Variants in DOCK6 observed in about 807,000 individuals in gnomAD.
The protein encoded by DOCK6 is dedicator of cytokinesis 6.
In DOCK6, 167 loss-of-function variants were observed where a neutral mutation model predicts 230.3. That is an observed-to-expected ratio of 0.73 (90% CI 0.64 to 0.82). The LOEUF (loss-of-function observed/expected upper bound fraction) is 0.82. Among genes scored for constraint, DOCK6 ranks in the 40% least tolerant of loss-of-function variants. The pLI, the probability that DOCK6 is intolerant of heterozygous loss-of-function variation, is 0.00. For missense variants in DOCK6, 2,598 were observed against 2,825.8 expected (o/e 0.92, Z 1.83); for synonymous variants, 1,148 against 1,185.0 (o/e 0.97, Z 0.64).
Position 11,242,111 on chromosome 19 carries a change from C to G in DOCK6, c.1577G>C (p.Gly526Ala). The G allele has an allele frequency of 6.6e-7, 1 of 1,517,944 alleles. No homozygotes were observed. Among genetic ancestry groups the G allele is most frequent in the Non-Finnish European group, 8.8e-7 (1 of 1,135,926 alleles). 94.0% of individuals were successfully genotyped at this position (1,517,944 alleles called of 1,614,324 possible). A position where few individuals can be genotyped will look rare whatever the true frequency, so the allele number is the denominator to read the frequency against. ...LHIKPYPDPR[G>A]RPTKEILEFP... ...CTCCAGAATCTCCTTGGTGGGCCGG[C>G]CCCTGGGGTCCGGGTAGGGCTTGAT... The change falls in exon 14 of 48, where the codon GGC becomes GCC. Residue 526 changes from glycine (G) to alanine (A), a missense_variant. Transcript: ENST00000294618.
chr19:11,233,295 C>T lies in DOCK6; in HGVS notation c.2626G>A (p.Ala876Thr). The stretch of plus-strand genomic sequence containing the variant: ...CTGCTGCTGATGCTCTTGGAACGCG[C>T]CAGGTAGAGGCTTGCGGGGCGACCA... The part of the protein sequence containing the change: ...GSGRPASLYL[A>T]RSKSISSSNP... Residue 876 changes from alanine to threonine, a missense_variant, in exon 22 of 48, where the codon GCG (alanine) becomes ACG (threonine). By Grantham distance (58) the Ala-to-Thr change is moderately conservative. Coordinates refer to ENST00000294618, the MANE Select transcript of DOCK6 (RefSeq NM_020812.4). The T allele has an allele frequency of 6.2e-7, 1 of 1,613,904 alleles. No homozygotes were observed. The highest frequency in any genetic ancestry group is 8.5e-7 in the Non-Finnish European group (1 of 1,179,862).
In DOCK6 at chr19:11,213,281, C is replaced by T; in HGVS notation, c.4386G>A (p.Leu1462=). ...CACAGTGTCGTAGGAGCCTCAGGCA[C>T]AGGTCGGCACACAGCTCCGTGTCCT... ...FEEDTELCAD[L]CLRLLRHCGS... The change falls in exon 35 of 48, where the codon CTG becomes CTA. Residue 1462 remains leucine (L), a synonymous_variant. Coordinates refer to ENST00000294618, the MANE Select transcript of DOCK6 (RefSeq NM_020812.4). 1.9e-6 allele frequency: 3 copies of T among 1,612,874 alleles called. No homozygotes were observed. Among genetic ancestry groups the T allele is most frequent in the African/African-American group, 1.3e-5 (1 of 75,040 alleles).
At chr19:11,204,382 TG>T in intron 39 of DOCK6, 51 bp from the exon 40 acceptor site, 1 of 1,592,006 alleles carries the variant, frequency 6.3e-7, no homozygotes, top group Non-Finnish European at 8.6e-7. Context: ...CTCTCTCCAC[TG>T]TGCTCCTGTC....
intron 3 of DOCK6, 49 bp downstream of exon 3, chr19:11,252,734 C>A: frequency 2.5e-6 from 4 of 1,595,670 alleles, no homozygotes; most frequent in Non-Finnish European, 3.4e-6. Flanking sequence ...ATGGGGTTGG[C>A]AGAGACAGAG....
At chr19:11,247,092 G>C (rs2080046691) in intron 7 of DOCK6, among the ~76,000 whole-genome samples, 1 of 152,048 alleles carries the variant, frequency 6.6e-6, no homozygotes, top group African/African-American at 2.4e-5. Flanking sequence ...TATACAGTAG[G>C]GACTTCATAA....
At chr19:11,210,568 G>A (rs907799313) in intron 37 of DOCK6, among the ~76,000 whole-genome samples, 5 of 115,854 alleles carry the variant, frequency 4.3e-5, no homozygotes, top group Non-Finnish European at 8.5e-5. Flanking sequence ...CCCCTCACCT[G>A]TGCATCCCCT....
At chr19:11,235,897 T>G in intron 20 of DOCK6, 138 bp from the exon 21 acceptor site, 1 of 1,095,112 alleles carries the variant, frequency 9.1e-7, no homozygotes, top group South Asian at 1.9e-5. Context: ...TTTTTTTTTT[T>G]TGAGATGGAG....
chr19:11,233,475 T>C (rs1015855740), intron 21 of DOCK6, 109 bp from the exon 22 acceptor site: 6 of 1,356,982 alleles, frequency 4.4e-6, no homozygotes, highest in Non-Finnish European at 6.0e-6. Flanking sequence ...TCTGAGCCTC[T>C]AAGTTCCTCA....
intron 13 of DOCK6, among the ~76,000 whole-genome samples, chr19:11,242,643 C>T (rs1440897699): frequency 2.0e-5 from 3 of 151,986 alleles, no homozygotes; most frequent in Non-Finnish European, 2.9e-5. Flanking sequence ...CTGCCCGCCT[C>T]GGCCTCCCAA....
chr19:11,217,089 C>T lies in DOCK6; in HGVS notation c.3719G>A (p.Arg1240His), dbSNP rs375343165. ...SISQGPPTAS[R>H]AGCALSAESS... is the part of the protein sequence containing the mutation. ...CTCAGCAGAGAGGGCACAGCCTGCGCGAGAAGCCTGGGGCCAGAGAGGAAT... is the reference window on the plus strand; with the variant it reads ...CTCAGCAGAGAGGGCACAGCCTGCGTGAGAAGCCTGGGGCCAGAGAGGAAT... The change falls in exon 30 of 48, where the codon CGC becomes CAC. Residue 1240 changes from arginine to histidine, a missense_variant. Coordinates refer to ENST00000294618, the MANE Select transcript of DOCK6 (RefSeq NM_020812.4). The T allele has an allele frequency of 5.8e-5, 93 of 1,611,402 alleles. No individual in the cohort carries two copies. Among genetic ancestry groups the T allele is most frequent in the East Asian group, 6.7e-5 (3 of 44,868 alleles).
In DOCK6 at chr19:11,201,845, C is replaced by G; in HGVS notation, c.5688+44G>C. 3.6e-5 allele frequency: 32 copies of G among 883,524 alleles called. No individual in the cohort carries two copies. The highest frequency in any genetic ancestry group is 4.6e-5 in the Non-Finnish European group (27 of 580,790). The allele number at this position is 883,524 out of a possible 1,614,324, so 54.7% of individuals were successfully genotyped here. A position where few individuals can be genotyped will look rare whatever the true frequency, so the allele number is the denominator to read the frequency against. On this transcript the variant is annotated intron_variant, in intron 44 of 47. Transcript: ENST00000294618. The surrounding 1 kb of genome is among the most constrained non-coding windows in gnomAD (Gnocchi z 4.3). ...CCCCTCCCCTCCCAGGGTCTGATGTCCCCTCACCTCCCCACCCCCGCCAGG... is the reference window on the plus strand; with the variant it reads ...CCCCTCCCCTCCCAGGGTCTGATGTGCCCTCACCTCCCCACCCCCGCCAGG...
chr19:11,212,174 G>A (rs1231050195), intron 35 of DOCK6, 23 bp from the exon 36 acceptor site: 1 of 1,596,698 alleles, frequency 6.3e-7, no homozygotes, highest in Non-Finnish European at 8.5e-7. Flanking sequence ...GGGCGGGAGG[G>A]TGGAGCCGGG....
At chr19:11,241,674 C>T (rs780602418) in intron 14 of DOCK6, 15 of 1,583,194 alleles carry the variant, frequency 9.5e-6, no homozygotes, top group South Asian at 3.5e-5. Flanking sequence ...CACACAGCGG[C>T]GCTCCCAGCC....
intron 31 of DOCK6, 99 bp from the exon 32 acceptor site, chr19:11,215,570 AC>A: frequency 7.4e-7 from 1 of 1,355,208 alleles, no homozygotes; most frequent in Non-Finnish European, 1.0e-6. Flanking sequence ...AGGTGGGCTG[AC>A]CCATGAGGGC....
chr19:11,221,443 C>T (rs2079577350), intron 28 of DOCK6: 3 of 172,240 alleles, frequency 1.7e-5, no homozygotes, highest in African/African-American at 7.1e-5. Flanking sequence ...GTTATACCAC[C>T]CCCCTCAACA....
At chr19:11,208,100 A>C (rs562866537) in intron 39 of DOCK6, 1 of 152,320 alleles carries the variant, frequency 6.6e-6, no homozygotes, top group Non-Finnish European at 1.5e-5. Flanking sequence ...CAGCCTGGGC[A>C]AAAGAGCAAG....
rs1178158390 is a variant in DOCK6 at position 11,201,783 on chromosome 19, G to A, written c.5688+106C>T. On this transcript the variant is annotated intron_variant, in intron 44 of 47. Transcript: ENST00000294618. This position sits in a 1 kb window ranked among gnomAD's most constrained non-coding sequence, Gnocchi z 4.3. ...CCACCCCTCTCTGGGTCTGAGGTCC[G>A]TGAACCACCTTGGGTCTGGGTCCCT... is the stretch of plus-strand genomic sequence containing the variant. 26 of 1,120,786 alleles carry A rather than the reference G, an allele frequency of 2.3e-5. No individual in the cohort carries two copies. The highest frequency in any genetic ancestry group is 1.7e-4 in the South Asian group (11 of 66,438). 69.4% of individuals were successfully genotyped at this position (1,120,786 alleles called of 1,614,324 possible).
chr19:11,261,848 C>CT (rs1454137302), intron 1 of DOCK6, among the ~76,000 whole-genome samples: 9 of 152,094 alleles, frequency 5.9e-5, no homozygotes, highest in Admixed American at 5.9e-4. Flanking sequence ...CCCTTCCCCC[C>CT]CCCCGACAGC....
intron 14 of DOCK6, chr19:11,241,450 C>G (rs1213722373): frequency 6.5e-7 from 1 of 1,547,894 alleles, no homozygotes; most frequent in Non-Finnish European, 8.7e-7. Flanking sequence ...CACAGGCTCA[C>G]GCTGACAAGC....
Sources: gnomAD v4.1 joint callset for allele counts (sites outside exome capture counted in the v4.1 genomes callset) on GRCh38, gnomAD v4.1.1 for gene constraint, Gnocchi (gnomAD v3.1) non-coding constraint, MANE v1.5 for transcripts, NCBI Gene and HGNC (gene_info 2026-07-23, HGNC 2026-07-21) for gene names.